TMEM132B: variants seen among roughly 807,000 people sequenced by gnomAD.
TMEM132B encodes the protein transmembrane protein 132B.
In TMEM132B, 18 loss-of-function variants were observed where a neutral mutation model predicts 90.8. That is an observed-to-expected ratio of 0.20 (90% CI 0.14 to 0.29). TMEM132B has a LOEUF of 0.29. Among genes scored for constraint, TMEM132B ranks in the 10% least tolerant of loss-of-function variants. The pLI is 1.00. For synonymous variants in TMEM132B, 504 were observed against 523.3 expected (o/e 0.96, Z 0.50); for missense variants, 1,096 against 1,326.8 (o/e 0.83, Z 2.70).
chr12:125,647,897 CTT>C (rs757137864), intron 6 of TMEM132B, among the ~76,000 whole-genome samples: 2,029 of 135,240 alleles, frequency 0.015, 45 homozygotes, highest in African/African-American at 0.05. Flanking sequence ...CAATTGTATC[CTT>C]TTTTTTTTTT....
At chr12:125,203,985 A>G (rs1000514075) in intron 1 of TMEM132B, among the ~76,000 whole-genome samples, 1 of 152,254 alleles carries the variant, frequency 6.6e-6, no homozygotes, top group Non-Finnish European at 1.5e-5. Context: ...AGAACCTTAA[A>G]GGAATAACAG....
intron 1 of TMEM132B, among the ~76,000 whole-genome samples, chr12:125,339,661 G>C (rs144845447): frequency 2.0e-5 from 3 of 152,158 alleles, no homozygotes; most frequent in African/African-American, 7.2e-5. Context: ...CCAAGTGTGG[G>C]TGTTGGTGGT....
intron 5 of TMEM132B, among the ~76,000 whole-genome samples, chr12:125,607,276 A>G (rs2136934591): frequency 6.6e-6 from 1 of 152,368 alleles, no homozygotes; most frequent in Middle Eastern, 3.4e-3. Flanking sequence ...AATTGAGCAA[A>G]GAATAGTTTG....
chr12:125,549,543 A>G (rs967288334), intron 4 of TMEM132B, among the ~76,000 whole-genome samples: 2 of 152,202 alleles, frequency 1.3e-5, no homozygotes, highest in African/African-American at 2.4e-5. Context: ...GCATTTTATA[A>G]TCTTTCAGGC....
intron 5 of TMEM132B, among the ~76,000 whole-genome samples, chr12:125,611,389 CTATGA>C (rs1349512541): frequency 4.0e-5 from 6 of 151,216 alleles, no homozygotes; most frequent in South Asian, 2.1e-4. Context: ...CTATTTTTTT[CTATGA>C]TATATTTCAT....
At chr12:125,573,843 C>T (rs980461531) in intron 4 of TMEM132B, among the ~76,000 whole-genome samples, 2 of 152,196 alleles carry the variant, frequency 1.3e-5, no homozygotes, top group Middle Eastern at 6.8e-3. Context: ...AAAAAGAGTG[C>T]TTGTGAGGAA....
intron 2 of TMEM132B, among the ~76,000 whole-genome samples, chr12:125,358,793 T>C (rs150640605): frequency 4.6e-4 from 70 of 152,358 alleles, no homozygotes; most frequent in African/African-American, 1.6e-3. Context: ...TAGTTGGTAA[T>C]AATAACACCT....
rs1185495417 is a variant in TMEM132B at position 125,594,411 on chromosome 12, G to T, written c.1437+10417G>T. On this transcript the variant is annotated intron_variant, in intron 5 of 8. Transcript: ENST00000682704. Reference sequence around the variant, plus strand: ...GCTTTCACTTCTTAGGAACAGAAAGGTTGTATCATATTAAGTGTATTTTTA... The same window carrying T: ...GCTTTCACTTCTTAGGAACAGAAAGTTTGTATCATATTAAGTGTATTTTTA... Among the ~76,000 whole-genome samples, 4 of 152,178 alleles carry T rather than the reference G, an allele frequency of 2.6e-5. No homozygotes were observed. The East Asian group carries it at 7.7e-4, about 29-fold the overall frequency.
chr12:125,528,844 A>C (rs1883565261), intron 4 of TMEM132B, among the ~76,000 whole-genome samples: 2 of 152,154 alleles, frequency 1.3e-5, no homozygotes, highest in Non-Finnish European at 2.9e-5. Flanking sequence ...GGCACCAGGG[A>C]TTGGTTTCAT....
intron 1 of TMEM132B, among the ~76,000 whole-genome samples, chr12:125,232,133 C>T (rs1873841119): frequency 6.6e-6 from 1 of 152,164 alleles, no homozygotes; most frequent in African/African-American, 2.4e-5. Context: ...TCATCGTCTT[C>T]ATATATTATA....
At chr12:125,345,439 A>G (rs1877324841) in intron 1 of TMEM132B, among the ~76,000 whole-genome samples, 1 of 152,174 alleles carries the variant, frequency 6.6e-6, no homozygotes, top group Non-Finnish European at 1.5e-5. Context: ...ATGTCCAGGA[A>G]TGTTTTTTGT....
chr12:125,322,205 G>A (rs1876446685), intron 1 of TMEM132B, among the ~76,000 whole-genome samples: 2 of 152,332 alleles, frequency 1.3e-5, no homozygotes, highest in Non-Finnish European at 1.5e-5. Flanking sequence ...TCTCGTGACA[G>A]TGAATAAATC....
At chr12:125,434,711 C>T (rs11058170) in intron 3 of TMEM132B, among the ~76,000 whole-genome samples, 48,832 of 152,076 alleles carry the variant, frequency 0.32, 8,043 homozygotes, top group East Asian at 0.45. Flanking sequence ...TAGAGGTGGT[C>T]GCGACTTCTT....
chr12:125,522,197 A>G (rs562150341), intron 4 of TMEM132B, among the ~76,000 whole-genome samples: 20 of 151,868 alleles, frequency 1.3e-4, no homozygotes, highest in Admixed American at 3.9e-4. Context: ...CCCCCTTTCT[A>G]TTTTCACTTA....
chr12:125,312,116 T>C (rs1257799714), intron 1 of TMEM132B, among the ~76,000 whole-genome samples: 1 of 152,240 alleles, frequency 6.6e-6, no homozygotes, highest in Non-Finnish European at 1.5e-5. Flanking sequence ...ATAGGTCTAA[T>C]GCTGTCAGAT....
chr12:125,650,078 A>G (rs1332186119), intron 6 of TMEM132B, among the ~76,000 whole-genome samples: 1 of 152,142 alleles, frequency 6.6e-6, no homozygotes, highest in Non-Finnish European at 1.5e-5. Flanking sequence ...TTCTTTCTGT[A>G]CAGACTCAAG....
At chr12:125,576,959 T>G (rs11058250) in intron 4 of TMEM132B, among the ~76,000 whole-genome samples, 1 of 151,076 alleles carries the variant, frequency 6.6e-6, no homozygotes, top group African/African-American at 2.4e-5. Flanking sequence ...TTTCCTGTGA[T>G]GCCTTTCTTT....
Position 125,595,278 on chromosome 12 carries a change from A to G in TMEM132B, c.1437+11284A>G, listed in dbSNP as rs150937810. ...GCACCTGGCATGAGTTAGGTGCTCT[A>G]TGAATAGACTTGAATGTAGGCTAAT... On this transcript the variant is annotated intron_variant, in intron 5 of 8. Transcript: ENST00000682704. 2.4e-4 allele frequency among the ~76,000 whole-genome samples: 37 copies of G among 152,296 alleles called. No individual in the cohort carries two copies. The East Asian group carries it at 6.6e-3, about 27-fold the overall frequency.
chr12:125,653,941 A>G lies in TMEM132B; in HGVS notation c.2483A>G (p.Asn828Ser), dbSNP rs1566103689. The change falls in exon 9 of 9, where the codon AAC becomes AGC. Residue 828 changes from asparagine to serine, a missense_variant. Transcript: ENST00000682704. Reference protein sequence around the residue: ...HLSNSIEREGNQERAVQEWFH... With the variant: ...HLSNSIEREGSQERAVQEWFH... ...AGTAATTCCATAGAGCGCGAAGGAA[A>G]CCAGGAGAGAGCAGTCCAGGAATGG... 1.9e-6 allele frequency: 3 copies of G among 1,614,208 alleles called. No homozygotes were observed. Among genetic ancestry groups the G allele is most frequent in the Non-Finnish European group, 2.5e-6 (3 of 1,180,042 alleles).
Sources: gnomAD v4.1 joint callset for allele counts (sites outside exome capture counted in the v4.1 genomes callset) on GRCh38, gnomAD v4.1.1 for gene constraint, MANE v1.5 for transcripts, NCBI Gene and HGNC (gene_info 2026-07-23, HGNC 2026-07-21) for gene names.